Variants in DCAF1 observed in about 807,000 individuals in gnomAD.
DCAF1 encodes the protein DDB1- and CUL4-associated factor 1.
In DCAF1, 15 loss-of-function variants were observed where a neutral mutation model predicts 128.0. The ratio of observed to expected loss-of-function variants is 0.12; its 90% CI spans 0.08 to 0.18. The LOEUF (loss-of-function observed/expected upper bound fraction) is 0.18, where lower values mean the gene tolerates loss of function less well. DCAF1 is among the 10% of genes least tolerant of loss of function. DCAF1 has a pLI of 1.00. For synonymous variants in DCAF1, 610 were observed against 603.0 expected (o/e 1.01, Z -0.17); for missense variants, 988 against 1,649.5 (o/e 0.60, Z 6.95).
chr3:51,494,893 A>G (rs2108569455), intron 2 of DCAF1, among the ~76,000 whole-genome samples: 1 of 152,280 alleles, frequency 6.6e-6, no homozygotes, highest in East Asian at 1.9e-4. Flanking sequence ...ACTTAGAAAC[A>G]TATACATATA....
intron 7 of DCAF1, among the ~76,000 whole-genome samples, chr3:51,442,989 G>A (rs952500493): frequency 1.3e-5 from 2 of 152,078 alleles, no homozygotes; most frequent in Non-Finnish European, 2.9e-5. Flanking sequence ...TAGGTGATGG[G>A]TTGATCTGTG....
At chr3:51,456,270 G>A (rs1702895428) in intron 6 of DCAF1, among the ~76,000 whole-genome samples, 2 of 152,234 alleles carry the variant, frequency 1.3e-5, no homozygotes, top group Non-Finnish European at 2.9e-5. Flanking sequence ...TCCCGCACCT[G>A]GCTCGGAGGG....
intron 6 of DCAF1, among the ~76,000 whole-genome samples, chr3:51,462,503 T>C (rs1463299821): frequency 2.0e-5 from 3 of 152,124 alleles, no homozygotes; most frequent in African/African-American, 7.2e-5. Context: ...GCCAGCACTT[T>C]GGGAGGCCGA....
chr3:51,492,486 G>A (rs1452790429), intron 2 of DCAF1, among the ~76,000 whole-genome samples: 2 of 151,874 alleles, frequency 1.3e-5, no homozygotes, highest in African/African-American at 2.4e-5. Flanking sequence ...AATGCACACC[G>A]GCCTGGGCAA....
intron 2 of DCAF1, among the ~76,000 whole-genome samples, chr3:51,487,074 C>T (rs1190184928): frequency 2.0e-5 from 3 of 151,784 alleles, no homozygotes; most frequent in Non-Finnish European, 2.9e-5. Flanking sequence ...TTCAAGCGAG[C>T]GATTCTCCCA....
intron 6 of DCAF1, among the ~76,000 whole-genome samples, chr3:51,445,841 A>G (rs1285494080): frequency 3.3e-5 from 5 of 152,164 alleles, no homozygotes; most frequent in African/African-American, 1.2e-4. Context: ...TATCAGTCTG[A>G]TGGGTGTAAA....
At chr3:51,410,928 C>T (rs1435272579) in intron 23 of DCAF1, among the ~76,000 whole-genome samples, 2 of 152,066 alleles carry the variant, frequency 1.3e-5, no homozygotes, top group African/African-American at 2.4e-5. Context: ...GAGGCTGAGG[C>T]GGGTGGATCA....
intron 6 of DCAF1, among the ~76,000 whole-genome samples, chr3:51,460,354 G>A (rs1376271490): frequency 3.0e-4 from 46 of 152,054 alleles, no homozygotes; most frequent in Non-Finnish European, 5.6e-4. Context: ...AACTTACAAG[G>A]GATGTGAAGG....
At chr3:51,422,034 C>T (rs1553632643) in intron 14 of DCAF1, among the ~76,000 whole-genome samples, 1 of 152,052 alleles carries the variant, frequency 6.6e-6, no homozygotes, top group Non-Finnish European at 1.5e-5. Flanking sequence ...AGCAGAAATG[C>T]CAGTACCACT....
intron 2 of DCAF1, among the ~76,000 whole-genome samples, chr3:51,494,611 G>T (rs1486660206): frequency 6.6e-6 from 1 of 152,048 alleles, no homozygotes; most frequent in Non-Finnish European, 1.5e-5. Context: ...GATAACTTAA[G>T]CAGTTAGCCT....
rs1217597261 is a variant in DCAF1, at chr3:51,412,931, C to G, written c.4110+62G>C. 1.4e-5 allele frequency: 22 copies of G among 1,595,472 alleles called. No homozygotes were observed. The Admixed American group carries it at 1.4e-4, about 10-fold the overall frequency. On this transcript the variant is annotated intron_variant, in intron 22 of 24. Transcript: ENST00000684031. ...TATATCAGACAAAATGTCTGTAGTA[C>G]AACTTGAAAATTATCCTAAACATCA...
intron 1 of DCAF1, among the ~76,000 whole-genome samples, chr3:51,498,669 T>C (rs1451700015): frequency 8.5e-5 from 13 of 152,296 alleles, no homozygotes; most frequent in African/African-American, 2.9e-4. Flanking sequence ...AAGTACAAAA[T>C]GATTTCCCTA....
chr3:51,486,184 C>T (rs112351414), intron 2 of DCAF1, among the ~76,000 whole-genome samples: 3,189 of 149,398 alleles, frequency 0.021, 121 homozygotes, highest in African/African-American at 0.073. Flanking sequence ...AAACCACACC[C>T]GGCAGATTCT....
Position 51,414,737 on chromosome 3 carries a change from C to T in DCAF1, c.3724G>A (p.Val1242Ile), listed in dbSNP as rs1403584202. ...TGTGCAGAGCGGACATCCCAGAGGA[C>T]GCCATCATTTAAGACAAGATCATCT... The part of the protein sequence containing the change: ...PTDDLVLNDG[V>I]LWDVRSAQAI... The change falls in exon 19 of 25, where the codon GTC becomes ATC. Residue 1242 changes from valine to isoleucine, a missense_variant. By Grantham distance (29) the Val-to-Ile change is conservative. This residue lies in a region of DCAF1 where 85 missense variants were observed against 204.6 expected (regional missense o/e 0.42). Coordinates refer to ENST00000684031, the MANE Select transcript of DCAF1 (RefSeq NM_001387579.1). The T allele has an allele frequency of 6.8e-6, 11 of 1,613,852 alleles. No homozygotes were observed. Among genetic ancestry groups the T allele is most frequent in the Non-Finnish European group, 9.3e-6 (11 of 1,179,906 alleles).
At chr3:51,436,976 G>A (rs1362992553) in intron 9 of DCAF1, among the ~76,000 whole-genome samples, 1 of 152,148 alleles carries the variant, frequency 6.6e-6, no homozygotes, top group Non-Finnish European at 1.5e-5. Context: ...TTAAAAAAAA[G>A]AGAGAGACAG....
chr3:51,452,918 G>A (rs1419968653), intron 6 of DCAF1, among the ~76,000 whole-genome samples: 1 of 151,778 alleles, frequency 6.6e-6, no homozygotes, highest in Non-Finnish European at 1.5e-5. Flanking sequence ...AGGAAGTTGA[G>A]GCAGGAGAAA....
chr3:51,465,012 G>A (rs1306658482), intron 5 of DCAF1, among the ~76,000 whole-genome samples: 1 of 152,142 alleles, frequency 6.6e-6, no homozygotes, highest in Non-Finnish European at 1.5e-5. Context: ...AAGCAAGAGG[G>A]TACCATAATT....
intron 3 of DCAF1, among the ~76,000 whole-genome samples, chr3:51,472,143 C>A (rs553655049): frequency 6.6e-6 from 1 of 152,190 alleles, no homozygotes; most frequent in African/African-American, 2.4e-5. Context: ...CTATGGCCTG[C>A]AATTATCTGG....
chr3:51,488,462 G>C (rs977204137), intron 2 of DCAF1, among the ~76,000 whole-genome samples: 1 of 152,084 alleles, frequency 6.6e-6, no homozygotes, highest in Non-Finnish European at 1.5e-5. Context: ...TGGATCATGA[G>C]GTCAGGAGTT....
Sources: allele counts gnomAD v4.1 joint callset (sites outside exome capture counted in the v4.1 genomes callset), GRCh38; gene constraint gnomAD v4.1.1; regional missense constraint gnomAD v4.1.1; transcripts MANE v1.5; gene names NCBI Gene and HGNC (gene_info 2026-07-23, HGNC 2026-07-21).